Variants in GOLGA3 observed in about 807,000 individuals in gnomAD.
GOLGA3 encodes golgin A3, also known as golgin subfamily A member 3.
A neutral mutation model predicts 169.4 loss-of-function variants in GOLGA3; 75 were observed. That is an observed-to-expected ratio of 0.44 (90% confidence interval 0.37 to 0.54). GOLGA3 has a LOEUF of 0.54. GOLGA3 is among the 20% of genes least tolerant of loss of function. The pLI is 0.00. For missense variants in GOLGA3, 1,899 were observed against 1,930.0 expected (o/e 0.98, Z 0.30); for synonymous variants, 824 against 822.4 (o/e 1.00, Z -0.03).
chr12:132,806,351 G>GTT (rs1288434973), intron 6 of GOLGA3, among the ~76,000 whole-genome samples: 3 of 152,250 alleles, frequency 2.0e-5, no homozygotes, highest in Non-Finnish European at 4.4e-5. Flanking sequence ...GGCTCACGCT[G>GTT]TAACACTGGA....
At chr12:132,824,788 C>T in intron 1 of GOLGA3, among the ~76,000 whole-genome samples, 1 of 152,152 alleles carries the variant, frequency 6.6e-6, no homozygotes. Context: ...ACACACCTGT[C>T]CTTACACACA....
chr12:132,807,880 G>T lies in GOLGA3; in HGVS notation c.1178+11C>A. 7.2e-7 allele frequency: 1 copy of T among 1,398,230 alleles called. No homozygotes were observed. Among genetic ancestry groups the T allele is most frequent in the Non-Finnish European group, 9.7e-7 (1 of 1,033,958 alleles). 86.6% of individuals were successfully genotyped at this position (1,398,230 alleles called of 1,614,324 possible). ...TCCACCCACCCCGCCCACCTCTGCT[G>T]TCCCCACCACCTGCTGCAGATGCTG... On this transcript the variant is annotated intron_variant, in intron 5 of 23. Coordinates refer to ENST00000450791, the MANE Select transcript of GOLGA3 (RefSeq NM_001389683.1).
rs1480590963 is a variant in GOLGA3, at chr12:132,769,475, CGAG to C, written c.*3627_*3629del. ...GGGCAGGGCCCCTGCTGGACCCACC[CGAG>C]GAGAGTCCATTTCACATCCTATCAG... On this transcript the variant is annotated 3_prime_UTR_variant, in exon 24 of 24. Coordinates refer to ENST00000450791, the MANE Select transcript of GOLGA3 (RefSeq NM_001389683.1). 2 of 152,246 alleles carry C rather than the reference CGAG, an allele frequency of 1.3e-5. No homozygotes were observed. The highest frequency in any genetic ancestry group is 3.2e-3 in the Middle Eastern group (1 of 316). 9.4% of individuals were successfully genotyped at this position (152,246 alleles called of 1,614,324 possible).
chr12:132,773,029 T>G lies in GOLGA3; in HGVS notation c.*76A>C. Reference sequence around the variant, plus strand: ...TTAAATTTCATGTCTTAGAAAAACATCGACCACACAATCAAATAAATAACA... The same window carrying G: ...TTAAATTTCATGTCTTAGAAAAACAGCGACCACACAATCAAATAAATAACA... On this transcript the variant is annotated 3_prime_UTR_variant, in exon 24 of 24. Transcript: ENST00000450791. The G allele has an allele frequency of 6.4e-6, 7 of 1,092,674 alleles. No individual in the cohort carries two copies. Among genetic ancestry groups the G allele is most frequent in the Non-Finnish European group, 8.9e-6 (7 of 783,232 alleles). The allele number at this position is 1,092,674 out of a possible 1,614,324, so 67.7% of individuals were successfully genotyped here.
chr12:132,815,690 G>A (rs1054683277), intron 3 of GOLGA3, among the ~76,000 whole-genome samples: 1 of 151,978 alleles, frequency 6.6e-6, no homozygotes, highest in Admixed American at 6.6e-5. Context: ...GAGCCCAGGA[G>A]TTCAAGACCA....
intron 8 of GOLGA3, among the ~76,000 whole-genome samples, chr12:132,799,272 G>A (rs1216628244): frequency 3.3e-5 from 5 of 152,156 alleles, no homozygotes; most frequent in Non-Finnish European, 1.5e-5. Flanking sequence ...AACGTTACTG[G>A]GAATGAAGGG....
chr12:132,786,192 C>A (rs1054892271), intron 15 of GOLGA3, 147 bp downstream of exon 15: 3 of 601,540 alleles, frequency 5.0e-6, no homozygotes, highest in Non-Finnish European at 8.8e-6. Flanking sequence ...TTCCTGGTAA[C>A]CTGGAAGATG....
chr12:132,812,006 A>C (rs2136659381), intron 4 of GOLGA3, among the ~76,000 whole-genome samples: 1 of 148,458 alleles, frequency 6.7e-6, no homozygotes, highest in African/African-American at 2.5e-5. Context: ...GTCTCTCAAA[A>C]AAAAAAAAAA....
intron 15 of GOLGA3, 72 bp downstream of exon 15, chr12:132,786,267 C>T (rs1566084345): frequency 9.4e-7 from 1 of 1,065,498 alleles, no homozygotes; most frequent in Non-Finnish European, 1.4e-6. Flanking sequence ...TAGGGGACAA[C>T]TGCTGATGGA....
chr12:132,820,099 C>T (rs1950147498), intron 2 of GOLGA3, among the ~76,000 whole-genome samples: 1 of 152,124 alleles, frequency 6.6e-6, no homozygotes, highest in African/African-American at 2.4e-5. Flanking sequence ...TCGCTTGAAC[C>T]CGGGAGGCGG....
intron 11 of GOLGA3, among the ~76,000 whole-genome samples, chr12:132,795,369 A>G (rs6560904): frequency 0.97 from 145,476 of 149,982 alleles, 70,693 homozygotes; most frequent in South Asian, 1. Flanking sequence ...GCTCAGGCCT[A>G]TAATCCCAGC....
chr12:132,798,357 G>C lies in GOLGA3; in HGVS notation c.1921C>G (p.Gln641Glu). 1 of 1,612,536 alleles carries C rather than the reference G, an allele frequency of 6.2e-7. No homozygotes were observed. The highest frequency in any genetic ancestry group is 2.2e-5 in the East Asian group (1 of 44,864). ...SMKEKGRIAA[Q>E]LQGIEADMLD... ...AGCCTCACCTCAATGCCCTGCAGCT[G>C]TGCCGCGATGCGCCCCTTCTCCTTC... is the stretch of plus-strand genomic sequence containing the variant. The change falls in exon 9 of 24, where the codon CAG (glutamine) becomes GAG (glutamate). Residue 641 changes from glutamine to glutamate, a missense_variant. Transcript: ENST00000450791.
At position 132,775,144 on chromosome 12, in the gene GOLGA3, C is replaced by A. The variant is rs147128357; in HGVS notation, c.4140G>T (p.Lys1380Asn). 1.2e-6 allele frequency: 2 copies of A among 1,613,028 alleles called. No homozygotes were observed. Among genetic ancestry groups the A allele is most frequent in the African/African-American group, 2.7e-5 (2 of 74,936 alleles). The change falls in exon 22 of 24, where the codon AAG becomes AAT. Residue 1380 changes from lysine to asparagine, a missense_variant. Coordinates refer to ENST00000450791, the MANE Select transcript of GOLGA3 (RefSeq NM_001389683.1). ...LKLDLRRGAA[K>N]TRKEPKGEAS... is the part of the protein sequence containing the mutation. The stretch of plus-strand genomic sequence containing the variant: ...GGAGGGACGCGGGCCTGAGTACCGT[C>A]TTGGCCGCGCCGCGGCGTAGGTCCA...
At chr12:132,825,819 T>A (rs562161517) in intron 1 of GOLGA3, 27 of 1,121,836 alleles carry the variant, frequency 2.4e-5, no homozygotes, top group South Asian at 1.2e-4. Flanking sequence ...TACAAGAACA[T>A]TGGTCTGGGC....
rs533855189 is a variant in GOLGA3 at position 132,816,917 on chromosome 12, G to C, written c.134-105C>G. On this transcript the variant is annotated intron_variant, in intron 2 of 23. Coordinates refer to ENST00000450791, the MANE Select transcript of GOLGA3 (RefSeq NM_001389683.1). ...GAGAGAAGAGGATCCAGACTCATGA[G>C]CACGGCACTTTCTCATCCCACAAAG... 6.8e-6 allele frequency: 7 copies of C among 1,029,000 alleles called. No homozygotes were observed. The East Asian group carries it at 1.0e-4, about 15-fold the overall frequency. The allele number at this position is 1,029,000 out of a possible 1,614,324, so 63.7% of individuals were successfully genotyped here. A position where few individuals can be genotyped will look rare whatever the true frequency, so the allele number is the denominator to read the frequency against.
chr12:132,778,617 A>C (rs1489247461), intron 18 of GOLGA3, among the ~76,000 whole-genome samples: 1 of 151,582 alleles, frequency 6.6e-6, no homozygotes, highest in Non-Finnish European at 1.5e-5. Flanking sequence ...ATAATAAAAT[A>C]AAATAAATAC....
At chr12:132,795,706 A>G in intron 11 of GOLGA3, 146 bp downstream of exon 11, 1 of 841,280 alleles carries the variant, frequency 1.2e-6, no homozygotes, top group East Asian at 2.5e-5. Context: ...GGTTGCAGTG[A>G]GCGCAGATCA....
In GOLGA3 at chr12:132,775,171, C is replaced by G. The variant is rs757496735; in HGVS notation, c.4113G>C (p.Lys1371Asn). ...KTLLQQNQQL[K>N]LDLRRGAAKT... Reference sequence around the variant, plus strand: ...TGGCCGCGCCGCGGCGTAGGTCCAGCTTGAGCTGCTGGTTCTGCTGGAGCA... The same window carrying G: ...TGGCCGCGCCGCGGCGTAGGTCCAGGTTGAGCTGCTGGTTCTGCTGGAGCA... Residue 1371 changes from lysine to asparagine, a missense_variant, in exon 22 of 24, where the codon AAG (lysine) becomes AAC (asparagine). Coordinates refer to ENST00000450791, the MANE Select transcript of GOLGA3 (RefSeq NM_001389683.1). The G allele has an allele frequency of 2.5e-6, 4 of 1,614,068 alleles. No individual in the cohort carries two copies. In the South Asian group the frequency reaches 4.4e-5, roughly 18 times the overall value.
At position 132,804,523 on chromosome 12, in the gene GOLGA3, C is replaced by T. The variant is rs1307230010; in HGVS notation, c.1597+193G>A. Reference sequence around the variant, plus strand: ...CCAGGGAGGAGGGCGTGGCGAGGACCAGTCAGGGAAGGAGGGCGTGGCGGG... The same window carrying T: ...CCAGGGAGGAGGGCGTGGCGAGGACTAGTCAGGGAAGGAGGGCGTGGCGGG... On this transcript the variant is annotated intron_variant, in intron 7 of 23. Transcript: ENST00000450791. The surrounding 1 kb of genome is among the most constrained non-coding windows in gnomAD (Gnocchi z 4.1). 1.3e-5 allele frequency among the ~76,000 whole-genome samples: 2 copies of T among 151,974 alleles called. No homozygotes were observed. Among genetic ancestry groups the T allele is most frequent in the African/African-American group, 4.8e-5 (2 of 41,342 alleles).
Sources: gnomAD v4.1 joint callset for allele counts (sites outside exome capture counted in the v4.1 genomes callset) on GRCh38, gnomAD v4.1.1 for gene constraint, Gnocchi (gnomAD v3.1) non-coding constraint, MANE v1.5 for transcripts, NCBI Gene and HGNC (gene_info 2026-07-23, HGNC 2026-07-21) for gene names.